Variants in TXLNB observed in about 807,000 individuals in gnomAD.
TXLNB encodes the protein beta-taxilin.
A neutral mutation model predicts 57.4 loss-of-function variants in TXLNB; 37 were observed. The observed-to-expected ratio is 0.64, with a 90% CI of 0.50 to 0.85. TXLNB has a LOEUF of 0.85. TXLNB is among the 40% of genes least tolerant of loss of function. The probability of loss-of-function intolerance (pLI) is 0.00; values close to 1 mark genes in which losing one functional copy is unlikely to be tolerated. For synonymous variants in TXLNB, 302 were observed against 309.6 expected, an observed-to-expected ratio of 0.98 and a Z score of 0.26; for missense variants, 848 against 825.6, an observed-to-expected ratio of 1.03 and a Z score of -0.33.
intron 7 of TXLNB, among the ~76,000 whole-genome samples, chr6:139,253,417 TG>T (rs1438011696): frequency 6.6e-6 from 1 of 152,228 alleles, no homozygotes. Flanking sequence ...GCTGATGTTT[TG>T]GAAACGCTGA....
the TXLNB span, among the ~76,000 whole-genome samples, chr6:139,300,231 ACTCCT>A: frequency 2.0e-5 from 3 of 151,750 alleles, no homozygotes; most frequent in Non-Finnish European, 4.4e-5. Context: ...GCTGGTGGAC[ACTCCT>A]CTCCTTCCTT....
upstream of TXLNB, among the ~76,000 whole-genome samples, chr6:139,293,369 C>T (rs1442015725): frequency 1.3e-5 from 2 of 151,986 alleles, no homozygotes; most frequent in African/African-American, 2.4e-5. Context: ...GGATTATAAG[C>T]GTGAGCCATT....
chr6:139,175,443 T>C, the TXLNB span, among the ~76,000 whole-genome samples: 124 of 152,344 alleles, frequency 8.1e-4, no homozygotes, highest in African/African-American at 2.9e-3. Context: ...CAGTAGTTAT[T>C]CACTGTGGCA....
At position 139,243,169 on chromosome 6, in the gene TXLNB, T is replaced by A; in HGVS notation, c.1412A>T (p.Gln471Leu). Reference sequence around the variant, plus strand: ...CTCTGGCTCTTCATCGGAGTTGTGCTGACTTTGGTCATCCTTTTCAGATAT... The same window carrying A: ...CTCTGGCTCTTCATCGGAGTTGTGCAGACTTTGGTCATCCTTTTCAGATAT... ...AEISEKDDQS[Q>L]HNSDEEPESN... Residue 471 changes from glutamine to leucine, a missense_variant, in exon 10 of 10, where the codon CAG becomes CTG. By Grantham distance (113) the Gln-to-Leu change is moderately radical. Transcript: ENST00000358430. 6.2e-7 allele frequency: 1 copy of A among 1,614,230 alleles called. No individual in the cohort carries two copies. The highest frequency in any genetic ancestry group is 8.5e-7 in the Non-Finnish European group (1 of 1,180,030).
At chr6:139,220,993 C>T in the TXLNB span, among the ~76,000 whole-genome samples, 1 of 152,152 alleles carries the variant, frequency 6.6e-6, no homozygotes, top group African/African-American at 2.4e-5. Flanking sequence ...CAGGGTAACC[C>T]TGCATCCAAG....
chr6:139,323,802 T>C, the TXLNB span, among the ~76,000 whole-genome samples: 16 of 152,340 alleles, frequency 1.1e-4, 1 homozygote, highest in South Asian at 2.7e-3. Context: ...CGGGCTTCCG[T>C]TGGCATCAGC....
chr6:139,268,563 A>T (rs61278924), intron 4 of TXLNB, among the ~76,000 whole-genome samples: 12,889 of 152,256 alleles, frequency 0.085, 607 homozygotes, highest in Middle Eastern at 0.11. Flanking sequence ...AAATATTTTG[A>T]ATTTGAATTC....
the TXLNB span, among the ~76,000 whole-genome samples, chr6:139,189,942 T>G: frequency 9.9e-5 from 15 of 152,202 alleles, no homozygotes; most frequent in African/African-American, 3.6e-4. Context: ...CCATAATGCC[T>G]ACTATAGGGC....
chr6:139,283,582 A>T (rs1777106451), intron 2 of TXLNB, among the ~76,000 whole-genome samples: 1 of 144,716 alleles, frequency 6.9e-6, no homozygotes, highest in Non-Finnish European at 1.5e-5. Context: ...GTCTCAAAAA[A>T]AAAAAAAAAA....
At position 139,240,570 on chromosome 6, in the gene TXLNB, T is replaced by G. The variant is rs1775909428; in HGVS notation, c.*1956A>C. ...TCTGCAGTGGGGAAGGAGACCCTCC[T>G]GGATTATGGTGAATATTTAGCTCTG... On this transcript the variant is annotated 3_prime_UTR_variant, in exon 10 of 10. Transcript: ENST00000358430. 2 of 152,698 alleles carry G rather than the reference T, an allele frequency of 1.3e-5. No individual in the cohort carries two copies. Among genetic ancestry groups the G allele is most frequent in the Admixed American group, 1.3e-4 (2 of 15,286 alleles). 9.5% of individuals were successfully genotyped at this position (152,698 alleles called of 1,614,324 possible).
the TXLNB span, among the ~76,000 whole-genome samples, chr6:139,208,883 A>G: frequency 6.6e-6 from 1 of 152,198 alleles, no homozygotes. Context: ...CTGGAACAAG[A>G]CAAGGATGCC....
the TXLNB span, among the ~76,000 whole-genome samples, chr6:139,224,658 C>G: frequency 5.9e-5 from 9 of 151,628 alleles, no homozygotes; most frequent in Admixed American, 5.9e-4. Flanking sequence ...AGATTAATAT[C>G]TTGAAAAATA....
the TXLNB span, among the ~76,000 whole-genome samples, chr6:139,230,710 T>G: frequency 6.6e-6 from 1 of 152,158 alleles, no homozygotes; most frequent in Non-Finnish European, 1.5e-5. Flanking sequence ...ATGCAATTAT[T>G]TCATGAATAG....
At chr6:139,246,533 G>GT (rs1776069951) in intron 8 of TXLNB, among the ~76,000 whole-genome samples, 1 of 152,022 alleles carries the variant, frequency 6.6e-6, no homozygotes, top group Admixed American at 6.6e-5. Flanking sequence ...AAAAATACAT[G>GT]TAAAAAGTTA....
chr6:139,321,542 C>CTT, the TXLNB span, among the ~76,000 whole-genome samples: 521 of 131,414 alleles, frequency 4.0e-3, 5 homozygotes, highest in African/African-American at 0.013. Flanking sequence ...CTGAGCTCTC[C>CTT]TTTTTTTTTT....
At chr6:139,206,269 A>T in the TXLNB span, among the ~76,000 whole-genome samples, 4 of 152,210 alleles carry the variant, frequency 2.6e-5, no homozygotes, top group Non-Finnish European at 5.9e-5. Context: ...TAACACAATG[A>T]TAAAAAACAA....
chr6:139,178,165 T>C, the TXLNB span: 6 of 152,230 alleles, frequency 3.9e-5, no homozygotes, highest in Non-Finnish European at 8.8e-5. Flanking sequence ...GGAAAATCAA[T>C]GATTTTAATG....
At chr6:139,217,590 T>C in the TXLNB span, among the ~76,000 whole-genome samples, 40 of 152,220 alleles carry the variant, frequency 2.6e-4, 1 homozygote, top group South Asian at 6.0e-3. Context: ...TAGCTTAGGC[T>C]GGGCGTGGCG....
chr6:139,255,560 TC>T lies in TXLNB; in HGVS notation c.1077+3del. The T allele has an allele frequency of 6.2e-7, 1 of 1,613,656 alleles. No homozygotes were observed. The highest frequency in any genetic ancestry group is 8.5e-7 in the Non-Finnish European group (1 of 1,179,624). On this transcript the variant is annotated splice_donor_region_variant and intron_variant, in intron 7 of 9. Transcript: ENST00000358430. ...ACCCCCATGCCTCGTCCACCTGGCC[TC>T]ACCTGAGCCTGCAGGACTGTCTCTT...
Sources: allele counts gnomAD v4.1 joint callset (sites outside exome capture counted in the v4.1 genomes callset), GRCh38; gene constraint gnomAD v4.1.1; transcripts MANE v1.5; gene names NCBI Gene and HGNC (gene_info 2026-07-23, HGNC 2026-07-21).